HAO2: variants seen among roughly 807,000 people sequenced by gnomAD.
The protein encoded by HAO2 is 2-Hydroxyacid oxidase 2.
HAO2 carries 42 observed loss-of-function variants against 37.4 expected under a neutral mutation model. The observed-to-expected ratio is 1.12, with a 90% CI of 0.88 to 1.45. The LOEUF (loss-of-function observed/expected upper bound fraction) is 1.45, where lower values mean the gene tolerates loss of function less well. Among genes scored for constraint, HAO2 ranks in the 40% most tolerant of loss-of-function variants. The pLI, the probability that HAO2 is intolerant of heterozygous loss-of-function variation, is 0.00. For missense variants in HAO2, 476 were observed against 430.2 expected, an observed-to-expected ratio of 1.11 and a Z score of -0.94; for synonymous variants, 180 against 162.8, an observed-to-expected ratio of 1.11 and a Z score of -0.81.
At chr1:119,382,186 C>T (rs987211321) in intron 2 of HAO2, among the ~76,000 whole-genome samples, 1 of 152,086 alleles carries the variant, frequency 6.6e-6, no homozygotes, top group Non-Finnish European at 1.5e-5. Context: ...GATTATTATT[C>T]CTATTTCAGA....
At chr1:119,369,306 G>A (rs1347277501) in intron 1 of HAO2, among the ~76,000 whole-genome samples, 2 of 152,178 alleles carry the variant, frequency 1.3e-5, no homozygotes, top group African/African-American at 4.8e-5. Flanking sequence ...CAGTGACATG[G>A]CTATGCTCCT....
intron 4 of HAO2, 118 bp downstream of exon 4, chr1:119,385,171 C>G (rs1650283286): frequency 1.4e-6 from 2 of 1,448,392 alleles, no homozygotes; most frequent in Non-Finnish European, 1.8e-6. Flanking sequence ...TGCTCTGTGC[C>G]AGACACTGCG....
intron 6 of HAO2, 21 bp from the exon 7 acceptor site, chr1:119,392,597 G>T: frequency 6.5e-7 from 1 of 1,549,792 alleles, no homozygotes; most frequent in Non-Finnish European, 8.9e-7. Flanking sequence ...TTGTGTCTCT[G>T]TCTGTCTGCC....
At chr1:119,381,497 T>C (rs1649939687) in intron 2 of HAO2, among the ~76,000 whole-genome samples, 2 of 152,188 alleles carry the variant, frequency 1.3e-5, no homozygotes, top group Admixed American at 1.3e-4. Context: ...AGTCCCAGAA[T>C]GACCAGTTCC....
chr1:119,369,351 G>A (rs148463625), intron 1 of HAO2, among the ~76,000 whole-genome samples: 2 of 152,316 alleles, frequency 1.3e-5, no homozygotes, highest in East Asian at 1.9e-4. Context: ...CTCAAACAAT[G>A]TAGTTCCTTT....
At chr1:119,372,886 C>T (rs587635565) in intron 1 of HAO2, among the ~76,000 whole-genome samples, 1 of 152,296 alleles carries the variant, frequency 6.6e-6, no homozygotes, top group African/African-American at 2.4e-5. Context: ...TTCATATGAC[C>T]TCATCTAAAC....
intron 1 of HAO2, among the ~76,000 whole-genome samples, chr1:119,373,763 A>ACT (rs1570751107): frequency 1.3e-5 from 2 of 152,358 alleles, no homozygotes; most frequent in East Asian, 1.9e-4. Context: ...TCCTCATGGT[A>ACT]GAACATGCTT....
At chr1:119,377,408 G>T (rs1649555610) in intron 1 of HAO2, among the ~76,000 whole-genome samples, 1 of 152,130 alleles carries the variant, frequency 6.6e-6, no homozygotes, top group East Asian at 1.9e-4. Context: ...CAAAATTTTA[G>T]TCAAAGCCAT....
intron 1 of HAO2, among the ~76,000 whole-genome samples, chr1:119,371,671 T>C (rs12753975): frequency 6.6e-6 from 1 of 152,178 alleles, no homozygotes; most frequent in African/African-American, 2.4e-5. Flanking sequence ...GAACTTCAGG[T>C]TTCTCACCCG....
intron 4 of HAO2, 127 bp from the exon 5 acceptor site, chr1:119,386,495 C>T: frequency 1.5e-6 from 1 of 656,344 alleles, no homozygotes; most frequent in Non-Finnish European, 2.7e-6. Context: ...CATGAGCCAC[C>T]ATGCCCAGCC....
chr1:119,383,653 C>A (rs1222884499), intron 3 of HAO2, among the ~76,000 whole-genome samples: 3 of 151,962 alleles, frequency 2.0e-5, no homozygotes. Flanking sequence ...CCACCACCAC[C>A]ACCACCGCCA....
chr1:119,380,328 G>A (rs587713733), intron 1 of HAO2, among the ~76,000 whole-genome samples: 1 of 152,206 alleles, frequency 6.6e-6, no homozygotes, highest in South Asian at 2.1e-4. Flanking sequence ...AATTGAAGAT[G>A]GGAATAAATG....
At chr1:119,379,917 A>G (rs1649780862) in intron 1 of HAO2, among the ~76,000 whole-genome samples, 1 of 152,144 alleles carries the variant, frequency 6.6e-6, no homozygotes, top group Non-Finnish European at 1.5e-5. Flanking sequence ...AGCACCTCAC[A>G]TCTCATCTGG....
intron 1 of HAO2, chr1:119,380,606 A>C (rs1240225721): frequency 7.7e-6 from 7 of 909,298 alleles, no homozygotes; most frequent in Non-Finnish European, 1.3e-5. Context: ...AGGGCCTAGA[A>C]AGCTGGGAAT....
intron 1 of HAO2, among the ~76,000 whole-genome samples, chr1:119,376,712 A>G (rs928831437): frequency 6.6e-6 from 1 of 152,218 alleles, no homozygotes; most frequent in Non-Finnish European, 1.5e-5. Flanking sequence ...CTCAGTTCTT[A>G]TCTTCTGCAC....
chr1:119,387,835 G>A (rs1334459747), intron 5 of HAO2, among the ~76,000 whole-genome samples: 3 of 152,070 alleles, frequency 2.0e-5, no homozygotes, highest in Non-Finnish European at 4.4e-5. Context: ...TGAATCCATA[G>A]CACAATCTCA....
At chr1:119,387,361 C>A (rs1038672959) in intron 5 of HAO2, among the ~76,000 whole-genome samples, 7 of 152,156 alleles carry the variant, frequency 4.6e-5, no homozygotes, top group African/African-American at 1.2e-4. Flanking sequence ...AGAATCTTTA[C>A]ATGGGAATTT....
intron 5 of HAO2, among the ~76,000 whole-genome samples, chr1:119,387,568 C>T (rs1226518590): frequency 6.6e-6 from 1 of 152,164 alleles, no homozygotes; most frequent in Non-Finnish European, 1.5e-5. Context: ...ATCACTATCA[C>T]TAACGTCAAC....
At chr1:119,386,023 T>C (rs1035067600) in intron 4 of HAO2, 2 of 370,600 alleles carry the variant, frequency 5.4e-6, no homozygotes, top group South Asian at 2.2e-4. Flanking sequence ...CTGAATTTTT[T>C]AAAGTAGAAA....
Sources: gnomAD v4.1 joint callset for allele counts (sites outside exome capture counted in the v4.1 genomes callset) on GRCh38, gnomAD v4.1.1 for gene constraint, MANE v1.5 for transcripts, NCBI Gene and HGNC (gene_info 2026-07-23, HGNC 2026-07-21) for gene names.